ROBO2: variants seen among roughly 807,000 people sequenced by gnomAD.
The protein encoded by ROBO2 is roundabout guidance receptor 2.
ROBO2 carries 53 observed loss-of-function variants against 160.8 expected under a neutral mutation model. The observed-to-expected ratio is 0.33, with a 90% confidence interval of 0.26 to 0.41. The LOEUF (loss-of-function observed/expected upper bound fraction) is 0.41, where lower values mean the gene tolerates loss of function less well. Among genes scored for constraint, ROBO2 ranks in the 10% least tolerant of loss-of-function variants. The pLI is 1.00. For missense variants in ROBO2, 1,577 were observed against 1,722.4 expected, an observed-to-expected ratio of 0.92 and a Z score of 1.49; for synonymous variants, 664 against 611.7, an observed-to-expected ratio of 1.09 and a Z score of -1.26.
Position 77,095,166 on chromosome 3 carries a change from T to C in ROBO2, c.62-2848T>C, listed in dbSNP as rs189859191. Among the ~76,000 whole-genome samples, 804 of 152,178 alleles carry C rather than the reference T, an allele frequency of 5.3e-3. 2 individuals carry two copies. Among genetic ancestry groups the C allele is most frequent in the Middle Eastern group, 0.014 (4 of 292 alleles). On this transcript the variant is annotated intron_variant, in intron 1 of 25. Transcript: ENST00000461745. Reference sequence around the variant, plus strand: ...CATAGTTTTACTTTTTATATTTAGGTTGTAGATGTTCTTTGATGTTTTTAT... The same window carrying C: ...CATAGTTTTACTTTTTATATTTAGGCTGTAGATGTTCTTTGATGTTTTTAT...
At chr3:77,574,458 ACTTTC>A in intron 13 of ROBO2, 36 bp from the exon 15 acceptor site, 1 of 1,515,468 alleles carries the variant, frequency 6.6e-7, no homozygotes, top group Non-Finnish European at 9.2e-7. Context: ...TGTCTAAAAT[ACTTTC>A]CTTTAGTTTC....
chr3:76,940,743 GC>G (rs2078132818), intron 2 of ROBO2, among the ~76,000 whole-genome samples: 1 of 152,026 alleles, frequency 6.6e-6, no homozygotes, highest in Admixed American at 6.6e-5. Flanking sequence ...CATTCCAACG[GC>G]TTTATTGCAC....
chr3:76,014,871 G>A (rs2066360379), intron 2 of ROBO2, among the ~76,000 whole-genome samples: 1 of 152,136 alleles, frequency 6.6e-6, no homozygotes, highest in Non-Finnish European at 1.5e-5. Flanking sequence ...GAGGTTGCAG[G>A]GAGCTGTGAT....
At chr3:77,040,920 T>A (rs1386308935) in intron 1 of ROBO2, 74 bp downstream of exon 1, 1 of 1,541,116 alleles carries the variant, frequency 6.5e-7, no homozygotes, top group Non-Finnish European at 8.9e-7. Flanking sequence ...CTTTTTGAAT[T>A]TGATGTGGGT....
intron 2 of ROBO2, among the ~76,000 whole-genome samples, chr3:76,180,737 C>T (rs1701464370): frequency 6.6e-6 from 1 of 152,114 alleles, no homozygotes; most frequent in Non-Finnish European, 1.5e-5. Context: ...CTACACAGAG[C>T]AAATAATATA....
upstream of ROBO2, among the ~76,000 whole-genome samples, chr3:77,038,304 A>C (rs1289064355): frequency 2.0e-5 from 3 of 152,242 alleles, no homozygotes; most frequent in African/African-American, 7.2e-5. Context: ...AAAAGTGTGC[A>C]GAAATTACTC....
intron 2 of ROBO2, among the ~76,000 whole-genome samples, chr3:76,710,284 C>T (rs965348981): frequency 6.6e-6 from 1 of 152,032 alleles, no homozygotes; most frequent in South Asian, 2.1e-4. Context: ...CCCTGCCAAG[C>T]TTATTTTTGT....
At chr3:76,057,739 C>T (rs73842931) in intron 2 of ROBO2, among the ~76,000 whole-genome samples, 3,116 of 151,860 alleles carry the variant, frequency 0.021, 44 homozygotes, top group East Asian at 0.081. Context: ...CACCAAATGT[C>T]CTTTGTCTTA....
chr3:77,465,666 A>G (rs566401946), intron 2 of ROBO2, among the ~76,000 whole-genome samples: 2 of 152,200 alleles, frequency 1.3e-5, no homozygotes, highest in Non-Finnish European at 2.9e-5. Flanking sequence ...TAAAGCATCC[A>G]TGAGTTTTAA....
intron 2 of ROBO2, among the ~76,000 whole-genome samples, chr3:76,153,663 T>G (rs985237585): frequency 2.6e-5 from 4 of 152,076 alleles, no homozygotes; most frequent in Non-Finnish European, 4.4e-5. Flanking sequence ...ATAAAATGGG[T>G]TTGTTTTTCC....
At chr3:76,070,925 A>G (rs1250116435) in intron 2 of ROBO2, among the ~76,000 whole-genome samples, 1 of 152,210 alleles carries the variant, frequency 6.6e-6, no homozygotes, top group Admixed American at 6.5e-5. Context: ...AAACAAGTGT[A>G]AAAAGAAACC....
Position 77,296,108 on chromosome 3 carries a change from G to C in ROBO2, c.389-181306G>C, listed in dbSNP as rs553275822. 1.1e-3 allele frequency among the ~76,000 whole-genome samples: 172 copies of C among 151,572 alleles called. 1 individual carries two copies. Among genetic ancestry groups the C allele is most frequent in the African/African-American group, 3.8e-3 (156 of 41,306 alleles). ...TATGAAGTAAAATTGATGGTTAAACGGGTAGGCTGAGTCTAGATCACCCCA... is the reference window on the plus strand; with the variant it reads ...TATGAAGTAAAATTGATGGTTAAACCGGTAGGCTGAGTCTAGATCACCCCA... On this transcript the variant is annotated intron_variant, in intron 2 of 25. Coordinates refer to ENST00000461745, the Ensembl canonical transcript of ROBO2.
chr3:77,635,494 G>A (rs2095249136), intron 24 of ROBO2, among the ~76,000 whole-genome samples: 1 of 152,148 alleles, frequency 6.6e-6, no homozygotes, highest in South Asian at 2.1e-4. Flanking sequence ...TCAGGCTACA[G>A]TAGTTGAAGA....
At chr3:77,536,853 A>T (rs1200503906) in intron 6 of ROBO2, among the ~76,000 whole-genome samples, 1 of 152,202 alleles carries the variant, frequency 6.6e-6, no homozygotes, top group African/African-American at 2.4e-5. Flanking sequence ...CAAGTATAAA[A>T]TGGCTATGTG....
intron 2 of ROBO2, among the ~76,000 whole-genome samples, chr3:76,821,206 G>C (rs1210471803): frequency 6.6e-6 from 1 of 151,830 alleles, no homozygotes; most frequent in East Asian, 1.9e-4. Flanking sequence ...TTTTGTTCTT[G>C]CATGTGGGAC....
chr3:77,534,477 C>T (rs572555243), intron 6 of ROBO2, among the ~76,000 whole-genome samples: 19 of 152,050 alleles, frequency 1.2e-4, no homozygotes, highest in Admixed American at 3.3e-4. Context: ...ATTATGTATT[C>T]GAAGAAAGTC....
intron 2 of ROBO2, among the ~76,000 whole-genome samples, chr3:77,013,886 A>G (rs2062065766): frequency 2.0e-5 from 3 of 152,224 alleles, no homozygotes; most frequent in African/African-American, 7.2e-5. Context: ...ACTTCCTTTT[A>G]GTGAGGTCTG....
At chr3:77,630,796 T>G (rs2095145019) in intron 23 of ROBO2, 1 of 151,930 alleles carries the variant, frequency 6.6e-6, no homozygotes, top group Non-Finnish European at 1.5e-5. Flanking sequence ...GATGCTTATT[T>G]GGAAAGTAAG....
chr3:76,763,862 C>A (rs1196055502), intron 2 of ROBO2, among the ~76,000 whole-genome samples: 1 of 151,746 alleles, frequency 6.6e-6, no homozygotes, highest in East Asian at 2.0e-4. Flanking sequence ...TTGCATTGAG[C>A]CTGTGGATCA....
Sources: allele counts gnomAD v4.1 joint callset (sites outside exome capture counted in the v4.1 genomes callset), GRCh38; gene constraint gnomAD v4.1.1; transcripts MANE v1.5; gene names NCBI Gene and HGNC (gene_info 2026-07-23, HGNC 2026-07-21).